The following LMBR1 variants were observed in gnomAD, a reference collection of about 807,000 sequenced individuals.
LMBR1 encodes the protein limb region 1 protein homolog.
In LMBR1, 52 loss-of-function variants were observed where a neutral mutation model predicts 73.9. The observed-to-expected ratio is 0.70, with a 90% CI of 0.56 to 0.89. The LOEUF is 0.89. LMBR1 is among the 40% of genes least tolerant of loss of function. LMBR1 has a pLI of 0.00. For missense variants in LMBR1, 539 were observed against 579.8 expected (o/e 0.93, Z 0.72); for synonymous variants, 215 against 209.4 (o/e 1.03, Z -0.23).
chr7:156,784,807 T>G (rs1183537500), intron 5 of LMBR1, among the ~76,000 whole-genome samples: 3 of 152,178 alleles, frequency 2.0e-5, no homozygotes, highest in African/African-American at 7.2e-5. Flanking sequence ...TAAAAGGGCC[T>G]AGGCAGTGGA....
chr7:156,696,457 T>C (rs1808302919), intron 15 of LMBR1, among the ~76,000 whole-genome samples: 1 of 152,206 alleles, frequency 6.6e-6, no homozygotes, highest in Non-Finnish European at 1.5e-5. Context: ...TCCATTTTCA[T>C]GATGCTGATA....
At chr7:156,725,551 T>A (rs750889710) in intron 13 of LMBR1, 26 bp from the exon 14 acceptor site, 47 of 1,488,666 alleles carry the variant, frequency 3.2e-5, no homozygotes, top group Non-Finnish European at 4.2e-5. Context: ...AAAAAAACTC[T>A]CCAACAGAAT....
intron 8 of LMBR1, among the ~76,000 whole-genome samples, chr7:156,759,720 G>A (rs910080176): frequency 3.3e-5 from 5 of 152,142 alleles, no homozygotes; most frequent in South Asian, 2.1e-4. Context: ...AATAGCACTC[G>A]AACATAAATT....
At position 156,762,846 on chromosome 7, in the gene LMBR1, A is replaced by AGTGTGTGTGTGT. The variant is rs35976164; in HGVS notation, c.619+250_619+261dup. Among the ~76,000 whole-genome samples the AGTGTGTGTGTGT allele has an allele frequency of 9.5e-3, 1,413 of 148,606 alleles. 22 individuals carry two copies. The highest frequency in any genetic ancestry group is 0.068 in the South Asian group (314 of 4,634). ...GAGTGTGTGAAAGTGTGTGAGTGTGAGTGTGTGTGTGTGTGTGTGTGTGTG... is the reference window on the plus strand; with the variant it reads ...GAGTGTGTGAAAGTGTGTGAGTGTGAGTGTGTGTGTGTGTGTGTGTGTGTGTGTGTGTGTGTG... On this transcript the variant is annotated intron_variant, in intron 7 of 16. Coordinates refer to ENST00000353442, the MANE Select transcript of LMBR1 (RefSeq NM_022458.4).
At position 156,773,796 on chromosome 7, in the gene LMBR1, A is replaced by C. The variant is rs543489476; in HGVS notation, c.424-10001T>G. Among the ~76,000 whole-genome samples the C allele has an allele frequency of 2.6e-5, 4 of 152,338 alleles. No homozygotes were observed. The East Asian group carries it at 7.7e-4, about 29-fold the overall frequency. ...CCATTCTAAACAGAGGCCCTGGCAA[A>C]GATTTCAGGATGAAGACACCAAAAG... is the stretch of plus-strand genomic sequence containing the variant. On this transcript the variant is annotated intron_variant, in intron 5 of 16. Coordinates refer to ENST00000353442, the MANE Select transcript of LMBR1 (RefSeq NM_022458.4).
chr7:156,827,267 A>G (rs1835862534), intron 3 of LMBR1, among the ~76,000 whole-genome samples: 1 of 152,146 alleles, frequency 6.6e-6, no homozygotes, highest in Non-Finnish European at 1.5e-5. Flanking sequence ...TTATAGTAAT[A>G]AAAAACAGAA....
At chr7:156,800,523 A>T (rs1438386478) in intron 4 of LMBR1, among the ~76,000 whole-genome samples, 3 of 149,900 alleles carry the variant, frequency 2.0e-5, no homozygotes, top group Non-Finnish European at 4.4e-5. Context: ...ACTACTGCTC[A>T]TTGACAATGC....
At position 156,756,404 on chromosome 7, in the gene LMBR1, C is replaced by A. The variant is rs1341823492; in HGVS notation, c.746G>T (p.Arg249Ile). The change falls in exon 9 of 17, where the codon AGA (arginine) becomes ATA (isoleucine). Residue 249 changes from arginine to isoleucine, a missense_variant. By Grantham distance (97) the Arg-to-Ile change is moderately conservative. Around this residue, in one of 3 missense-constraint regions of LMBR1, gnomAD observed 454 missense variants for 473.4 expected, o/e 0.96. Transcript: ENST00000353442. ...IITLEEEALQ[R>I]RLNGLSSSVE... ...TAATATAAACATACCATTTAGTCGTCTCTGGAGTGCTTCTTCCTCTAAGGT... is the reference window on the plus strand; with the variant it reads ...TAATATAAACATACCATTTAGTCGTATCTGGAGTGCTTCTTCCTCTAAGGT... 6.8e-7 allele frequency: 1 copy of A among 1,472,358 alleles called. No individual in the cohort carries two copies. The highest frequency in any genetic ancestry group is 1.2e-5 in the South Asian group (1 of 84,896). 91.2% of individuals were successfully genotyped at this position (1,472,358 alleles called of 1,614,324 possible). A position where few individuals can be genotyped will look rare whatever the true frequency, so the allele number is the denominator to read the frequency against.
At chr7:156,702,986 A>C (rs987416139) in intron 15 of LMBR1, among the ~76,000 whole-genome samples, 2 of 152,246 alleles carry the variant, frequency 1.3e-5, no homozygotes, top group African/African-American at 4.8e-5. Context: ...ATGGGGAATG[A>C]ATCCCCCATA....
At chr7:156,671,417 G>A (rs2365511) in intron 4 of LMBR1, among the ~76,000 whole-genome samples, 99,048 of 152,104 alleles carry the variant, frequency 0.65, 34,545 homozygotes, top group African/African-American at 0.9. Context: ...GATACCTGAC[G>A]AAAGAGATTC....
chr7:156,740,945 C>T (rs898668253), intron 9 of LMBR1, among the ~76,000 whole-genome samples: 2 of 152,110 alleles, frequency 1.3e-5, no homozygotes, highest in African/African-American at 4.8e-5. Context: ...ACTACAACAA[C>T]TTTTCAAGAC....
intron 15 of LMBR1, among the ~76,000 whole-genome samples, chr7:156,691,590 T>C (rs1375193637): frequency 1.3e-5 from 2 of 152,148 alleles, no homozygotes; most frequent in African/African-American, 4.8e-5. Flanking sequence ...AAAAAGTAGT[T>C]AAGAGAGAGT....
chr7:156,686,658 G>C (rs56973013), intron 16 of LMBR1, among the ~76,000 whole-genome samples: 4,496 of 152,196 alleles, frequency 0.03, 226 homozygotes, highest in African/African-American at 0.1. Flanking sequence ...TTTATATCAG[G>C]TTATGTTTTA....
At chr7:156,698,409 C>T (rs1808814881) in intron 15 of LMBR1, among the ~76,000 whole-genome samples, 1 of 152,238 alleles carries the variant, frequency 6.6e-6, no homozygotes, top group Non-Finnish European at 1.5e-5. Flanking sequence ...CCCACATTTT[C>T]ATTCCGTACT....
chr7:156,833,668 A>G (rs1357829543), intron 3 of LMBR1, 85 bp downstream of exon 3: 6 of 974,352 alleles, frequency 6.2e-6, no homozygotes, highest in Non-Finnish European at 9.7e-6. Context: ...TATTTTCCAT[A>G]CTTCTATCCA....
At chr7:156,792,705 A>G (rs1829429804) in intron 5 of LMBR1, among the ~76,000 whole-genome samples, 1 of 152,262 alleles carries the variant, frequency 6.6e-6, no homozygotes, top group South Asian at 2.1e-4. Flanking sequence ...TTAAAAACTA[A>G]GTAGAGAATT....
intron 4 of LMBR1, among the ~76,000 whole-genome samples, chr7:156,808,949 G>A (rs761308306): frequency 1.3e-5 from 2 of 152,130 alleles, no homozygotes; most frequent in Non-Finnish European, 2.9e-5. Context: ...CTTTCCTCCT[G>A]TGTGTTATCG....
At position 156,702,601 on chromosome 7, in the gene LMBR1, C is replaced by T. The variant is rs1326508442; in HGVS notation, c.1226-14410G>A. 5.9e-5 allele frequency among the ~76,000 whole-genome samples: 9 copies of T among 152,078 alleles called. No homozygotes were observed. The East Asian group carries it at 1.7e-3, about 29-fold the overall frequency. Reference sequence around the variant, plus strand: ...CTCATGATAGTTTCTTTTGCTGACACAACCAATTTAGAAGACACTTTGACA... The same window carrying T: ...CTCATGATAGTTTCTTTTGCTGACATAACCAATTTAGAAGACACTTTGACA... On this transcript the variant is annotated intron_variant, in intron 15 of 16. Coordinates refer to ENST00000353442, the MANE Select transcript of LMBR1 (RefSeq NM_022458.4).
chr7:156,844,366 A>G (rs957373099), intron 1 of LMBR1, among the ~76,000 whole-genome samples: 7 of 152,120 alleles, frequency 4.6e-5, no homozygotes, highest in Non-Finnish European at 1.0e-4. Context: ...GAATACAACT[A>G]TAACAGACCA....
Sources: allele counts gnomAD v4.1 joint callset (sites outside exome capture counted in the v4.1 genomes callset), GRCh38; gene constraint gnomAD v4.1.1; regional missense constraint gnomAD v4.1.1; transcripts MANE v1.5; gene names NCBI Gene and HGNC (gene_info 2026-07-23, HGNC 2026-07-21).